Variants in SIAE observed in about 807,000 individuals in gnomAD.
SIAE encodes the protein sialate O-acetylesterase.
A neutral mutation model predicts 52.6 loss-of-function variants in SIAE; 39 were observed. The observed-to-expected ratio is 0.74, with a 90% confidence interval of 0.57 to 0.97. The LOEUF (loss-of-function observed/expected upper bound fraction) is 0.97. Ranked by LOEUF, SIAE falls within the 50% of genes least tolerant of loss-of-function variation. SIAE has a pLI of 0.00. For synonymous variants in SIAE, 233 were observed against 241.4 expected (o/e 0.97, Z 0.32); for missense variants, 592 against 662.1 (o/e 0.89, Z 1.16).
rs946590966 is a variant in SIAE, at chr11:124,669,286, T to C, written c.229+74A>G. The C allele has an allele frequency of 1.1e-5, 17 of 1,546,372 alleles. 1 individual carries two copies. The Admixed American group carries it at 1.7e-4, about 15-fold the overall frequency. ...CGGATGGATAATGTGAGCTACAGCA[T>C]TAGCATTCATTTTCAGATAATCCAG... On this transcript the variant is annotated intron_variant, in intron 2 of 9. Transcript: ENST00000263593.
Position 124,635,266 on chromosome 11 carries a change from G to A in SIAE, c.*1685C>T, listed in dbSNP as rs531151188. ...TTCTATGGGGCCAGATGCATGAGAG[G>A]TCAAAGCATGGGCAATAGGGGTTAA... On this transcript the variant is annotated 3_prime_UTR_variant, in exon 10 of 10. Coordinates refer to ENST00000263593, the MANE Select transcript of SIAE (RefSeq NM_170601.5). 6.6e-6 allele frequency: 1 copy of A among 152,232 alleles called. No individual in the cohort carries two copies. Among genetic ancestry groups the A allele is most frequent in the South Asian group, 2.1e-4 (1 of 4,836 alleles). 9.4% of individuals were successfully genotyped at this position (152,232 alleles called of 1,614,324 possible). A position where few individuals can be genotyped will look rare whatever the true frequency, so the allele number is the denominator to read the frequency against.
intron 7 of SIAE, among the ~76,000 whole-genome samples, chr11:124,643,410 A>G (rs765366755): frequency 1.3e-5 from 2 of 152,194 alleles, no homozygotes; most frequent in Non-Finnish European, 2.9e-5. Context: ...ACTTTGATAT[A>G]TTGAGAATAT....
intron 2 of SIAE, among the ~76,000 whole-genome samples, chr11:124,664,523 C>T (rs559408891): frequency 2.5e-4 from 38 of 152,080 alleles, no homozygotes; most frequent in Non-Finnish European, 4.1e-4. Context: ...CATGAGCTAC[C>T]GCATCCGGCC....
chr11:124,644,870 T>C (rs1942908750), intron 7 of SIAE, among the ~76,000 whole-genome samples: 1 of 152,226 alleles, frequency 6.6e-6, no homozygotes, highest in Non-Finnish European at 1.5e-5. Flanking sequence ...AGCTGTACTC[T>C]AGTCACTGCA....
intron 5 of SIAE, 99 bp downstream of exon 5, chr11:124,649,520 A>G (rs1245866520): frequency 7.9e-7 from 1 of 1,259,622 alleles, no homozygotes; most frequent in African/African-American, 1.5e-5. Flanking sequence ...ACATATTGGG[A>G]CATTCACCAT....
At chr11:124,665,868 CA>C (rs767298442) in intron 2 of SIAE, among the ~76,000 whole-genome samples, 10 of 151,972 alleles carry the variant, frequency 6.6e-5, no homozygotes, top group Non-Finnish European at 1.3e-4. Context: ...GCATGCCAAC[CA>C]GGGGCAGGGA....
intron 7 of SIAE, among the ~76,000 whole-genome samples, chr11:124,641,978 A>T (rs931532861): frequency 2.0e-5 from 3 of 150,376 alleles, no homozygotes; most frequent in Non-Finnish European, 4.4e-5. Flanking sequence ...AAAAAAAAAA[A>T]AAAGAAACCA....
In SIAE at chr11:124,638,535, T is replaced by G. The variant is rs756693445; in HGVS notation, c.1320+7A>C. On this transcript the variant is annotated splice_region_variant and intron_variant, in intron 9 of 9. Coordinates refer to ENST00000263593, the MANE Select transcript of SIAE (RefSeq NM_170601.5). ...TGAACCCCTGTTTATTCTGCTGTTC[T>G]TCTCACCTCAAATATCTTGTTGTCC... 21 of 1,613,892 alleles carry G rather than the reference T, an allele frequency of 1.3e-5. 1 individual carries two copies. In the South Asian group the frequency reaches 2.1e-4, roughly 16 times the overall value.
rs1340587897 is a variant in SIAE, at chr11:124,669,407, AG to A, written c.181del (p.Leu61CysfsTer9). 1 of 1,614,098 alleles carries A rather than the reference AG, an allele frequency of 6.2e-7. No homozygotes were observed. Among genetic ancestry groups the A allele is most frequent in the Non-Finnish European group, 8.5e-7 (1 of 1,180,054 alleles). On this transcript the variant is annotated frameshift_variant, in exon 2 of 10. Transcript: ENST00000263593. LOFTEE classifies it high-confidence loss of function. ...GTPGATVTVT[L>X]RQGQETIMKK... Reference sequence around the variant, plus strand: ...CATGATGGTTTCCTGACCTTGGCGCAGGGTCACGGTCACTGTGGCTCCAGGT... The same window carrying A: ...CATGATGGTTTCCTGACCTTGGCGCAGGTCACGGTCACTGTGGCTCCAGGT...
rs1022416720 is a variant in SIAE, at chr11:124,634,016, T to C, written c.*2935A>G. 2.6e-5 allele frequency: 4 copies of C among 152,240 alleles called. No homozygotes were observed. The highest frequency in any genetic ancestry group is 6.5e-5 in the Admixed American group (1 of 15,288). The allele number at this position is 152,240 out of a possible 1,614,324, so 9.4% of individuals were successfully genotyped here. On this transcript the variant is annotated 3_prime_UTR_variant, in exon 10 of 10. Transcript: ENST00000263593. Reference sequence around the variant, plus strand: ...ATATACATATACTTGTATGAAGATATGTGTAAAATGTTTTTACTATGGATC... The same window carrying C: ...ATATACATATACTTGTATGAAGATACGTGTAAAATGTTTTTACTATGGATC...
upstream of SIAE, chr11:124,674,942 C>T (rs971675289): frequency 1.1e-5 from 2 of 176,020 alleles, no homozygotes; most frequent in Non-Finnish European, 2.4e-5. Context: ...GCAAAAATTA[C>T]CCTTACCTTT....
chr11:124,654,920 C>A, intron 3 of SIAE, 127 bp from the exon 4 acceptor site: 1 of 1,066,024 alleles, frequency 9.4e-7, no homozygotes, highest in Non-Finnish European at 1.4e-6. Context: ...TAACCAAAAC[C>A]AATGGGCTGC....
At chr11:124,644,171 A>G (rs1942891884) in intron 7 of SIAE, among the ~76,000 whole-genome samples, 1 of 152,168 alleles carries the variant, frequency 6.6e-6, no homozygotes, top group Non-Finnish European at 1.5e-5. Context: ...AACATAGGAA[A>G]TGATAGAAGG....
At chr11:124,649,898 T>C (rs755058851) in intron 4 of SIAE, 102 bp from the exon 5 acceptor site, 22 of 1,088,042 alleles carry the variant, frequency 2.0e-5, no homozygotes, top group Non-Finnish European at 2.9e-5. Flanking sequence ...GCAGAGGTCA[T>C]TCTTCTGTTG....
intron 1 of SIAE, among the ~76,000 whole-genome samples, chr11:124,671,424 T>C (rs1307879006): frequency 6.6e-6 from 1 of 152,228 alleles, no homozygotes; most frequent in Non-Finnish European, 1.5e-5. Flanking sequence ...TCCATTCTAC[T>C]AGAGACTTTA....
chr11:124,664,896 C>T (rs1245478383), intron 2 of SIAE, among the ~76,000 whole-genome samples: 1 of 137,404 alleles, frequency 7.3e-6, no homozygotes, highest in Middle Eastern at 3.4e-3. Context: ...CCCCACCCAA[C>T]AGAACCCTAG....
intron 4 of SIAE, among the ~76,000 whole-genome samples, chr11:124,651,010 G>A (rs1358339718): frequency 2.6e-5 from 4 of 152,070 alleles, no homozygotes; most frequent in Admixed American, 2.0e-4. Flanking sequence ...GAAGAGGGGG[G>A]CATGCATGTA....
Position 124,670,836 on chromosome 11 carries a change from T to G in SIAE, c.68-1315A>C, listed in dbSNP as rs1464254990. On this transcript the variant is annotated intron_variant, in intron 1 of 9. Coordinates refer to ENST00000263593, the MANE Select transcript of SIAE (RefSeq NM_170601.5). The surrounding 1 kb of genome is among the most constrained non-coding windows in gnomAD (Gnocchi z 4.5). ...GCCTACTGGGCTGGAGATGCACGGT[T>G]ACCATGAGCAAAATGCTCTAAGAAA... is the stretch of plus-strand genomic sequence containing the variant. Among the ~76,000 whole-genome samples the G allele has an allele frequency of 6.6e-6, 1 of 152,170 alleles. No individual in the cohort carries two copies. Among genetic ancestry groups the G allele is most frequent in the Non-Finnish European group, 1.5e-5 (1 of 68,042 alleles).
chr11:124,644,714 C>T (rs1395043341), intron 7 of SIAE, among the ~76,000 whole-genome samples: 1 of 152,238 alleles, frequency 6.6e-6, no homozygotes, highest in East Asian at 1.9e-4. Flanking sequence ...CCTCCAAATC[C>T]CTATTTAAAA....
Sources: allele counts gnomAD v4.1 joint callset (sites outside exome capture counted in the v4.1 genomes callset), GRCh38; gene constraint gnomAD v4.1.1; non-coding constraint Gnocchi (gnomAD v3.1); transcripts MANE v1.5; gene names NCBI Gene and HGNC (gene_info 2026-07-23, HGNC 2026-07-21).